COL11A1: variants seen among roughly 807,000 people sequenced by gnomAD.
The protein encoded by COL11A1 is collagen type XI alpha 1 chain.
A neutral mutation model predicts 265.2 loss-of-function variants in COL11A1; 74 were observed. The ratio of observed to expected loss-of-function variants is 0.28; its 90% CI spans 0.23 to 0.34. COL11A1 has a LOEUF of 0.34. COL11A1 is among the 10% of genes least tolerant of loss of function. The probability of loss-of-function intolerance (pLI) is 1.00; values close to 1 mark genes in which losing one functional copy is unlikely to be tolerated. For synonymous variants in COL11A1, 816 were observed against 727.6 expected (o/e 1.12, Z -1.96); for missense variants, 2,165 against 2,263.6 (o/e 0.96, Z 0.88).
chr1:102,882,258 T>C (rs920437887), intron 64 of COL11A1, among the ~76,000 whole-genome samples: 2 of 152,208 alleles, frequency 1.3e-5, no homozygotes, highest in African/African-American at 2.4e-5. Context: ...TTAGAATATT[T>C]AGAATCTTAT....
chr1:102,997,226 C>T, intron 25 of COL11A1, 102 bp from the exon 26 acceptor site: 1 of 1,105,950 alleles, frequency 9.0e-7, no homozygotes, highest in Non-Finnish European at 1.4e-6. Context: ...AGATCTTACT[C>T]TTTAAGTTTC....
At chr1:102,933,492 A>C (rs4908276) in intron 46 of COL11A1, among the ~76,000 whole-genome samples, 142,938 of 151,750 alleles carry the variant, frequency 0.94, 67,551 homozygotes, top group East Asian at 1. Flanking sequence ...CTGCTCTCTT[A>C]AAAGCTTTCA....
chr1:102,921,680 T>C (rs1656004833), intron 47 of COL11A1, 109 bp from the exon 48 acceptor site: 1 of 922,614 alleles, frequency 1.1e-6, no homozygotes, highest in Non-Finnish European at 1.7e-6. Flanking sequence ...GTAAAAACTA[T>C]AGTTAGTGAA....
intron 57 of COL11A1, among the ~76,000 whole-genome samples, chr1:102,891,026 C>T (rs1442736110): frequency 6.6e-6 from 1 of 151,892 alleles, no homozygotes; most frequent in African/African-American, 2.4e-5. Context: ...AGAATGGTTG[C>T]CTAATAATAT....
intron 37 of COL11A1, among the ~76,000 whole-genome samples, chr1:102,966,354 T>C (rs1661401732): frequency 6.6e-6 from 1 of 152,084 alleles, no homozygotes; most frequent in African/African-American, 2.4e-5. Context: ...CTGGTCAGAC[T>C]GAAAATAATA....
Position 103,014,830 on chromosome 1 carries a change from T to C in COL11A1, c.1489-236A>G, listed in dbSNP as rs80225107. 4.1e-4 allele frequency among the ~76,000 whole-genome samples: 62 copies of C among 152,258 alleles called. 1 individual carries two copies. The East Asian group carries it at 0.012, about 29-fold the overall frequency. On this transcript the variant is annotated intron_variant, in intron 12 of 66. Coordinates refer to ENST00000370096, the MANE Select transcript of COL11A1 (RefSeq NM_001854.4). Reference sequence around the variant, plus strand: ...GTAGAAGAAGAAACTAGAAACTCTGTTTCAATTTTAAATGCTATAATTTCT... The same window carrying C: ...GTAGAAGAAGAAACTAGAAACTCTGCTTCAATTTTAAATGCTATAATTTCT...
intron 3 of COL11A1, among the ~76,000 whole-genome samples, chr1:103,075,708 T>A (rs1671924386): frequency 6.6e-6 from 1 of 152,102 alleles, no homozygotes; most frequent in Non-Finnish European, 1.5e-5. Flanking sequence ...AAATGAAAAG[T>A]GCTAGATTAA....
chr1:102,963,498 A>G (rs1274104470), intron 38 of COL11A1, among the ~76,000 whole-genome samples: 1 of 152,228 alleles, frequency 6.6e-6, no homozygotes, highest in Non-Finnish European at 1.5e-5. Flanking sequence ...GATGGTGATC[A>G]GTTGCTCTCT....
intron 1 of COL11A1, among the ~76,000 whole-genome samples, chr1:103,094,211 A>T (rs996149483): frequency 6.6e-6 from 1 of 152,110 alleles, no homozygotes; most frequent in Non-Finnish European, 1.5e-5. Flanking sequence ...ACACCACACA[A>T]GAGTAATTAG....
In COL11A1 at chr1:102,950,257, T is replaced by C. The variant is rs576157716; in HGVS notation, c.3169-3301A>G. Among the ~76,000 whole-genome samples the C allele has an allele frequency of 2.2e-4, 33 of 152,312 alleles. No homozygotes were observed. The East Asian group carries it at 6.2e-3, about 29-fold the overall frequency. ...GTGATTATACTGCTGCACTCCAGCC[T>C]AGGTGACAGAGCAGGACTCTGTCTC... On this transcript the variant is annotated intron_variant, in intron 41 of 66. Transcript: ENST00000370096.
intron 4 of COL11A1, among the ~76,000 whole-genome samples, chr1:103,069,943 T>A (rs1014920200): frequency 1.3e-5 from 2 of 151,810 alleles, no homozygotes; most frequent in African/African-American, 4.8e-5. Context: ...GGAACTCTCA[T>A]ACACTGCTGA....
At chr1:102,997,486 AT>A (rs1245575337) in intron 25 of COL11A1, among the ~76,000 whole-genome samples, 2 of 152,028 alleles carry the variant, frequency 1.3e-5, no homozygotes, top group African/African-American at 4.8e-5. Flanking sequence ...AATTAATCAA[AT>A]GATCATACAT....
intron 47 of COL11A1, among the ~76,000 whole-genome samples, chr1:102,922,211 AT>A (rs1416456954): frequency 1.3e-5 from 2 of 152,186 alleles, no homozygotes; most frequent in African/African-American, 2.4e-5. Context: ...TTCACTGGAC[AT>A]TAGTATTTTT....
At chr1:102,950,703 A>G (rs1659793187) in intron 41 of COL11A1, among the ~76,000 whole-genome samples, 1 of 152,160 alleles carries the variant, frequency 6.6e-6, no homozygotes, top group Non-Finnish European at 1.5e-5. Flanking sequence ...CTTTTCCTAT[A>G]CTACTAAAAT....
chr1:103,020,862 C>T (rs1206441313), intron 9 of COL11A1, among the ~76,000 whole-genome samples: 1 of 137,264 alleles, frequency 7.3e-6, no homozygotes, highest in African/African-American at 2.6e-5. Context: ...TTCCCCATTG[C>T]TTGTTTTTGT....
chr1:102,897,081 C>A (rs1457527909), intron 57 of COL11A1, among the ~76,000 whole-genome samples: 2 of 151,872 alleles, frequency 1.3e-5, no homozygotes, highest in East Asian at 3.9e-4. Context: ...AATAAGTGAT[C>A]TTTAAATTCT....
chr1:102,918,600 CAAA>C (rs777897202), intron 49 of COL11A1, among the ~76,000 whole-genome samples: 1 of 151,252 alleles, frequency 6.6e-6, no homozygotes, highest in Non-Finnish European at 1.5e-5. Context: ...AACAAACAAA[CAAA>C]CAAAAAAATG....
chr1:103,045,913 A>G (rs573281447), intron 4 of COL11A1, among the ~76,000 whole-genome samples: 1 of 152,044 alleles, frequency 6.6e-6, no homozygotes, highest in East Asian at 2.0e-4. Flanking sequence ...GATGGTTTCC[A>G]GCTTCATCCA....
intron 4 of COL11A1, among the ~76,000 whole-genome samples, chr1:103,045,666 G>A (rs1049463233): frequency 4.0e-5 from 6 of 151,682 alleles, no homozygotes; most frequent in South Asian, 4.2e-4. Context: ...TGTGCACAAC[G>A]TGCAGGTTTG....
Sources: allele counts gnomAD v4.1 joint callset (sites outside exome capture counted in the v4.1 genomes callset), GRCh38; gene constraint gnomAD v4.1.1; transcripts MANE v1.5; gene names NCBI Gene and HGNC (gene_info 2026-07-23, HGNC 2026-07-21).